SPIDR: variants seen among roughly 807,000 people sequenced by gnomAD.
The protein encoded by SPIDR is DNA repair-scaffolding protein.
SPIDR carries 93 observed loss-of-function variants against 104.6 expected under a neutral mutation model. The ratio of observed to expected loss-of-function variants is 0.89; its 90% CI spans 0.75 to 1.06. SPIDR has a LOEUF of 1.06. SPIDR is among the 50% of genes least tolerant of loss of function. The probability of loss-of-function intolerance (pLI) is 0.00; values close to 1 mark genes in which losing one functional copy is unlikely to be tolerated. For synonymous variants in SPIDR, 431 were observed against 416.9 expected, an observed-to-expected ratio of 1.03 and a Z score of -0.41; for missense variants, 1,154 against 1,111.2, an observed-to-expected ratio of 1.04 and a Z score of -0.55.
At chr8:47,725,314 G>T (rs1442981835) in intron 16 of SPIDR, among the ~76,000 whole-genome samples, 2 of 152,210 alleles carry the variant, frequency 1.3e-5, no homozygotes, top group Admixed American at 6.5e-5. Context: ...CTGCTGGCAA[G>T]TTCATGAGTA....
chr8:47,595,157 C>T (rs1564426515), intron 8 of SPIDR, among the ~76,000 whole-genome samples: 1 of 152,012 alleles, frequency 6.6e-6, no homozygotes, highest in Non-Finnish European at 1.5e-5. Context: ...TTTAGTTGTA[C>T]TTAATTAGAG....
intron 7 of SPIDR, among the ~76,000 whole-genome samples, chr8:47,437,706 T>A (rs2068624737): frequency 1.3e-5 from 2 of 151,922 alleles, no homozygotes; most frequent in Non-Finnish European, 2.9e-5. Flanking sequence ...CTCACACCAG[T>A]TAGAATGGCA....
At chr8:47,702,094 CTCTT>C (rs879815760) in intron 14 of SPIDR, 79 bp downstream of exon 14, 7,967 of 95,276 alleles carry the variant, frequency 0.084, 972 homozygotes, top group African/African-American at 0.17. Context: ...CTCTCTCTCT[CTCTT>C]ACACACACAC....
At chr8:47,294,095 T>A (rs969047562) in intron 5 of SPIDR, 65 bp downstream of exon 5, 18 of 1,533,004 alleles carry the variant, frequency 1.2e-5, no homozygotes, top group Non-Finnish European at 1.6e-5. Context: ...AGTTGTCATT[T>A]TTTTTTTTGT....
chr8:47,640,704 G>A (rs1318549341), intron 10 of SPIDR, among the ~76,000 whole-genome samples: 1 of 151,882 alleles, frequency 6.6e-6, no homozygotes, highest in African/African-American at 2.4e-5. Flanking sequence ...TTGAGACGGA[G>A]CCTCGCTCTA....
intron 5 of SPIDR, among the ~76,000 whole-genome samples, chr8:47,373,724 C>T (rs2058330313): frequency 6.6e-6 from 1 of 152,104 alleles, no homozygotes; most frequent in Non-Finnish European, 1.5e-5. Flanking sequence ...TTTAAAACTT[C>T]TGTAGAACTC....
At chr8:47,590,625 CTGT>C (rs1026692133) in intron 8 of SPIDR, among the ~76,000 whole-genome samples, 40 of 152,142 alleles carry the variant, frequency 2.6e-4, no homozygotes, top group African/African-American at 9.4e-4. Context: ...ATGTATTCTG[CTGT>C]TGTTTGGTGG....
At chr8:47,571,068 G>T (rs2058459864) in intron 8 of SPIDR, among the ~76,000 whole-genome samples, 2 of 151,982 alleles carry the variant, frequency 1.3e-5, no homozygotes, top group Admixed American at 1.3e-4. Flanking sequence ...TCCAGCTTGG[G>T]CTACGGAGCG....
intron 5 of SPIDR, among the ~76,000 whole-genome samples, chr8:47,302,207 A>G (rs1490189232): frequency 1.3e-5 from 2 of 151,096 alleles, no homozygotes; most frequent in African/African-American, 2.4e-5. Flanking sequence ...ATCTTCCATC[A>G]CTGATACCCT....
intron 5 of SPIDR, among the ~76,000 whole-genome samples, chr8:47,358,580 C>T (rs967180261): frequency 2.0e-5 from 3 of 152,188 alleles, no homozygotes; most frequent in African/African-American, 7.2e-5. Flanking sequence ...GATCTCTCTA[C>T]AGCTTTCCCA....
At chr8:47,337,582 G>A (rs1587248775) in intron 5 of SPIDR, among the ~76,000 whole-genome samples, 1 of 148,676 alleles carries the variant, frequency 6.7e-6, no homozygotes, top group African/African-American at 2.5e-5. Context: ...TTCCATAAAA[G>A]TTTTTGTTTT....
In SPIDR at chr8:47,466,948, G is replaced by GATATATAT. The variant is rs1250773282; in HGVS notation, c.1097+26411_1097+26412insTATATATA. ...AGATAGATAGATAGATAGATAGATA[G>GATATATAT]ATATAAAAAATAGACTGCTAGCTAG... is the stretch of plus-strand genomic sequence containing the variant. On this transcript the variant is annotated intron_variant, in intron 8 of 19. Coordinates refer to ENST00000297423, the MANE Select transcript of SPIDR (RefSeq NM_001080394.4). 6.8e-4 allele frequency among the ~76,000 whole-genome samples: 91 copies of GATATATAT among 133,454 alleles called. 3 individuals are homozygous for GATATATAT. The highest frequency in any genetic ancestry group is 1.2e-3 in the Non-Finnish European group (73 of 63,444). 87.6% of individuals were successfully genotyped at this position (133,454 alleles called of 152,430 possible).
rs193302451 is a variant in SPIDR at position 47,477,150 on chromosome 8, C to T, written c.1097+36608C>T. 5.3e-4 allele frequency among the ~76,000 whole-genome samples: 80 copies of T among 152,142 alleles called. 1 individual carries two copies. The highest frequency in any genetic ancestry group is 1.9e-3 in the African/African-American group (79 of 41,522). On this transcript the variant is annotated intron_variant, in intron 8 of 19. Coordinates refer to ENST00000297423, the MANE Select transcript of SPIDR (RefSeq NM_001080394.4). ...AAAACACTTCAGGGCCTATGAAACACTTAATGAAACGTGGAGTCTGGTACC... is the reference window on the plus strand; with the variant it reads ...AAAACACTTCAGGGCCTATGAAACATTTAATGAAACGTGGAGTCTGGTACC...
At chr8:47,529,441 AAAAAT>A (rs1173519639) in intron 8 of SPIDR, among the ~76,000 whole-genome samples, 2 of 152,018 alleles carry the variant, frequency 1.3e-5, no homozygotes, top group South Asian at 2.1e-4. Context: ...AATAAAAAAT[AAAAAT>A]AAAGTATTGA....
intron 9 of SPIDR, among the ~76,000 whole-genome samples, chr8:47,596,335 A>G (rs1406712913): frequency 2.6e-5 from 4 of 152,232 alleles, no homozygotes; most frequent in Non-Finnish European, 5.9e-5. Context: ...TGTGACCATC[A>G]TAGCGTGCAC....
chr8:47,290,743 T>C (rs1391752212), intron 3 of SPIDR, among the ~76,000 whole-genome samples: 2 of 152,210 alleles, frequency 1.3e-5, no homozygotes, highest in African/African-American at 4.8e-5. Context: ...ATAAATGTTA[T>C]TTCAAGTCTT....
chr8:47,358,853 C>A (rs1385817901), intron 5 of SPIDR, among the ~76,000 whole-genome samples: 1 of 152,158 alleles, frequency 6.6e-6, no homozygotes, highest in African/African-American at 2.4e-5. Context: ...TACAGACATA[C>A]TCCTCCCACC....
intron 10 of SPIDR, among the ~76,000 whole-genome samples, chr8:47,668,550 AC>A (rs1249897373): frequency 1.3e-5 from 2 of 152,180 alleles, no homozygotes; most frequent in Non-Finnish European, 2.9e-5. Context: ...AAAATGAAAA[AC>A]TACCAACAAT....
intron 10 of SPIDR, among the ~76,000 whole-genome samples, chr8:47,624,056 C>A (rs1286865666): frequency 1.3e-5 from 2 of 152,210 alleles, no homozygotes; most frequent in South Asian, 4.1e-4. Flanking sequence ...ACAGTGCAAT[C>A]AAACTAGAAC....
Sources: allele counts gnomAD v4.1 joint callset (sites outside exome capture counted in the v4.1 genomes callset), GRCh38; gene constraint gnomAD v4.1.1; transcripts MANE v1.5; gene names NCBI Gene and HGNC (gene_info 2026-07-23, HGNC 2026-07-21).